MSI1: variants seen among roughly 807,000 people sequenced by gnomAD.
MSI1 encodes musashi RNA binding protein 1.
In MSI1, 15 loss-of-function variants were observed where a neutral mutation model predicts 54.4. That is an observed-to-expected ratio of 0.28 (90% confidence interval 0.18 to 0.42). The LOEUF is 0.42. Ranked by LOEUF, MSI1 falls within the 20% of genes least tolerant of loss-of-function variation. The pLI is 1.00. For missense variants in MSI1, 304 were observed against 506.0 expected, an observed-to-expected ratio of 0.60 and a Z score of 3.83; for synonymous variants, 200 against 196.5, an observed-to-expected ratio of 1.02 and a Z score of -0.15.
chr12:120,368,292 C>T lies in MSI1; in HGVS notation c.101-19G>A, dbSNP rs1876147018. The T allele has an allele frequency of 5.8e-6, 9 of 1,552,162 alleles. No homozygotes were observed. Among genetic ancestry groups the T allele is most frequent in the African/African-American group, 2.7e-5 (2 of 73,076 alleles). On this transcript the variant is annotated intron_variant, in intron 2 of 14. Coordinates refer to ENST00000257552, the MANE Select transcript of MSI1 (RefSeq NM_002442.4). This position sits in a 1 kb window ranked among gnomAD's most constrained non-coding sequence, Gnocchi z 6.6. ...AGCCCTTCTGTAACCACACACCCGC[C>T]TTCGGACCAGCCCGGGCCCCGCGCC...
Position 120,363,106 on chromosome 12 carries a change from C to T in MSI1, c.339G>A (p.Val113=), listed in dbSNP as rs147631271. 3.2e-5 allele frequency: 51 copies of T among 1,614,024 alleles called. No homozygotes were observed. Among genetic ancestry groups the T allele is most frequent in the Non-Finnish European group, 4.2e-5 (49 of 1,180,028 alleles). The change falls in exon 6 of 15, where the codon GTG becomes GTA. Residue 113 remains valine, a synonymous_variant. Coordinates refer to ENST00000257552, the MANE Select transcript of MSI1 (RefSeq NM_002442.4). ...CCGTGGTGTTCACCGACAGCCCCCCCACAAAGATCTTCTTCGTTCGAGTCA... is the reference window on the plus strand; with the variant it reads ...CCGTGGTGTTCACCGACAGCCCCCCTACAAAGATCTTCTTCGTTCGAGTCA... ...KMVTRTKKIF[V]GGLSVNTTVE...
intron 6 of MSI1, among the ~76,000 whole-genome samples, chr12:120,362,662 G>A (rs1875747904): frequency 6.6e-6 from 1 of 152,188 alleles, no homozygotes; most frequent in Non-Finnish European, 1.5e-5. Flanking sequence ...CGCCTGGAAG[G>A]AGTGGGGAAA....
At position 120,368,870 on chromosome 12, in the gene MSI1, C is replaced by A; in HGVS notation, c.63G>T (p.Lys21Asn). Residue 21 changes from lysine (K) to asparagine (N), a missense_variant, in exon 2 of 15, where the codon AAG becomes AAT. Transcript: ENST00000257552. This position sits in a 1 kb window ranked among gnomAD's most constrained non-coding sequence, Gnocchi z 6.6. ...GCCAACTGAGTCCCCCGATGAACATCTTGCTGCGGGAGGAGGAGAGACACA... is the reference window on the plus strand; with the variant it reads ...GCCAACTGAGTCCCCCGATGAACATATTGCTGCGGGAGGAGGAGAGACACA... Reference protein sequence around the residue: ...ASPDSPHDPCKMFIGGLSWQT... With the variant: ...ASPDSPHDPCNMFIGGLSWQT... 1 of 1,470,918 alleles carries A rather than the reference C, an allele frequency of 6.8e-7. No homozygotes were observed. Among genetic ancestry groups the A allele is most frequent in the East Asian group, 3.1e-5 (1 of 32,762 alleles). 91.1% of individuals were successfully genotyped at this position (1,470,918 alleles called of 1,614,324 possible).
chr12:120,368,036 T>A lies in MSI1; in HGVS notation c.239A>T (p.Gln80Leu), dbSNP rs752795681. The change falls in exon 4 of 15, where the codon CAA becomes CTA. Residue 80 changes from glutamine (Q) to leucine (L), a missense_variant. Gln to Leu is a moderately radical substitution (Grantham distance 113, BLOSUM62 -2). Coordinates refer to ENST00000257552, the MANE Select transcript of MSI1 (RefSeq NM_002442.4). The surrounding 1 kb of genome is among the most constrained non-coding windows in gnomAD (Gnocchi z 6.6). ...TTTGGAGTCGAGCTCGTGCCGCGATTGCGCCAGCACTTTATCCACCCCCGC... is the reference window on the plus strand; with the variant it reads ...TTTGGAGTCGAGCTCGTGCCGCGATAGCGCCAGCACTTTATCCACCCCCGC... ...DQAGVDKVLA[Q>L]SRHELDSKTI... 6.2e-7 allele frequency: 1 copy of A among 1,613,364 alleles called. No homozygotes were observed. Among genetic ancestry groups the A allele is most frequent in the Admixed American group, 1.7e-5 (1 of 59,954 alleles).
At chr12:120,367,784 A>G (rs1402431642) in intron 4 of MSI1, among the ~76,000 whole-genome samples, 1 of 151,872 alleles carries the variant, frequency 6.6e-6, no homozygotes, top group Non-Finnish European at 1.5e-5. Context: ...CACCAGGACT[A>G]GGGGAGGGGG....
Position 120,366,021 on chromosome 12 carries a change from A to G in MSI1, c.268-1266T>C, listed in dbSNP as rs1056571743. Reference sequence around the variant, plus strand: ...TGTGAACAACCAGAGGGAAAAATCAAGATGCATCTGGGTGTACTCCTGGGT... The same window carrying G: ...TGTGAACAACCAGAGGGAAAAATCAGGATGCATCTGGGTGTACTCCTGGGT... On this transcript the variant is annotated intron_variant, in intron 4 of 14. Coordinates refer to ENST00000257552, the MANE Select transcript of MSI1 (RefSeq NM_002442.4). Among the ~76,000 whole-genome samples the G allele has an allele frequency of 3.3e-5, 5 of 152,200 alleles. No homozygotes were observed. In the East Asian group the frequency reaches 9.6e-4, roughly 29 times the overall value.
At chr12:120,356,001 C>A (rs1355978253) in intron 9 of MSI1, among the ~76,000 whole-genome samples, 2 of 152,086 alleles carry the variant, frequency 1.3e-5, no homozygotes, top group African/African-American at 4.8e-5. Context: ...CCTGGGGGGC[C>A]AAACTCAGAT....
intron 11 of MSI1, among the ~76,000 whole-genome samples, chr12:120,350,264 G>A (rs1458700108): frequency 4.6e-5 from 7 of 152,036 alleles, no homozygotes; most frequent in African/African-American, 1.7e-4. Context: ...TGGCCTCAAG[G>A]GATACTCCTG....
intron 12 of MSI1, 133 bp from the exon 13 acceptor site, chr12:120,346,455 G>C (rs541240833): frequency 5.0e-5 from 45 of 895,304 alleles, no homozygotes; most frequent in Non-Finnish European, 7.1e-5. Flanking sequence ...ACCTCCTGGA[G>C]ATCTCCCCAT....
At position 120,346,278 on chromosome 12, in the gene MSI1, TG is replaced by T; in HGVS notation, c.903del (p.Ser302AlafsTer51). ...GTCCCCAGGAAGCCCCCTGTGCGGC[TG>T]GGAGTCGAACCTGGAGGGGGAGCCA... The part of the protein sequence containing the change: ...WTMAPPPGST[P>X]SRTGGFLGTT... On this transcript the variant is annotated frameshift_variant, in exon 13 of 15. Transcript: ENST00000257552. LOFTEE classifies it high-confidence loss of function. The T allele has an allele frequency of 6.3e-7, 1 of 1,587,306 alleles. No individual in the cohort carries two copies. The highest frequency in any genetic ancestry group is 8.6e-7 in the Non-Finnish European group (1 of 1,167,948).
At chr12:120,360,129 G>A (rs1021438007) in intron 6 of MSI1, among the ~76,000 whole-genome samples, 3 of 152,226 alleles carry the variant, frequency 2.0e-5, no homozygotes, top group South Asian at 2.1e-4. Flanking sequence ...GGGATTACAG[G>A]TGCATGCCAC....
intron 6 of MSI1, among the ~76,000 whole-genome samples, chr12:120,359,480 CAGG>C (rs1875445355): frequency 6.6e-6 from 1 of 152,170 alleles, no homozygotes; most frequent in African/African-American, 2.4e-5. Context: ...TGTAAAAGGC[CAGG>C]AGGACAGCAA....
rs577235167 is a variant in MSI1, at chr12:120,344,629, G to A, written c.*21+941C>T. ...GAGGCTGAGGTGGAGGATGGCTTGA[G>A]CCTAGGAGTTCCAGGCTGCAGCGAG... On this transcript the variant is annotated intron_variant, in intron 14 of 14. Transcript: ENST00000257552. Among the ~76,000 whole-genome samples, 26 of 152,100 alleles carry A rather than the reference G, an allele frequency of 1.7e-4. No homozygotes were observed. The East Asian group carries it at 2.7e-3, about 16-fold the overall frequency.
intron 10 of MSI1, among the ~76,000 whole-genome samples, chr12:120,351,912 A>G (rs1874642535): frequency 6.7e-6 from 1 of 149,000 alleles, no homozygotes; most frequent in South Asian, 2.1e-4. Flanking sequence ...GTTTCACTGT[A>G]TTAGCCAGGA....
chr12:120,340,052 G>A (rs1031026891), downstream of MSI1, among the ~76,000 whole-genome samples: 1 of 150,788 alleles, frequency 6.6e-6, no homozygotes, highest in Non-Finnish European at 1.5e-5. Context: ...AAAGTGTTTC[G>A]ATTACAGTTG....
chr12:120,359,005 C>T lies in MSI1; in HGVS notation c.451G>A (p.Gly151Arg). Residue 151 changes from glycine to arginine, a missense_variant and splice_region_variant, in exon 7 of 15, where the codon GGG (glycine) becomes AGG (arginine). Coordinates refer to ENST00000257552, the MANE Select transcript of MSI1 (RefSeq NM_002442.4). ...MFDKTTNRHR[G>R]FGFVTFESED... ...GGAAGGGGGAGGGGGCCACACTCAC[C>T]TCGGTGCCGGTTGGTGGTTTTGTCA... 1.3e-6 allele frequency: 2 copies of T among 1,566,546 alleles called. No individual in the cohort carries two copies. The highest frequency in any genetic ancestry group is 1.7e-6 in the Non-Finnish European group (2 of 1,155,552).
At chr12:120,351,181 G>A (rs879908762) in intron 11 of MSI1, among the ~76,000 whole-genome samples, 163 bp downstream of exon 11, 3 of 151,996 alleles carry the variant, frequency 2.0e-5, no homozygotes, top group African/African-American at 4.8e-5. Context: ...CCATGTAGCC[G>A]CCCAGACTGG....
intron 6 of MSI1, among the ~76,000 whole-genome samples, chr12:120,361,114 G>C (rs1263346378): frequency 6.6e-6 from 1 of 152,156 alleles, no homozygotes; most frequent in Non-Finnish European, 1.5e-5. Flanking sequence ...GGAGAGAGCA[G>C]CCAGATACTA....
rs1439874272 is a variant in MSI1, at chr12:120,347,435, G to A, written c.859+11C>T. The A allele has an allele frequency of 6.8e-6, 11 of 1,613,860 alleles. No individual in the cohort carries two copies. Among genetic ancestry groups the A allele is most frequent in the Non-Finnish European group, 9.3e-6 (11 of 1,180,024 alleles). On this transcript the variant is annotated intron_variant, in intron 12 of 14. Transcript: ENST00000257552. ...CCCTCATCTCTCTTCCTGCACCTCA[G>A]AAGAGCTCACCTGTCCCTCGAACCA... is the stretch of plus-strand genomic sequence containing the variant.
Sources: allele counts gnomAD v4.1 joint callset (sites outside exome capture counted in the v4.1 genomes callset), GRCh38; gene constraint gnomAD v4.1.1; non-coding constraint Gnocchi (gnomAD v3.1); transcripts MANE v1.5; gene names NCBI Gene and HGNC (gene_info 2026-07-23, HGNC 2026-07-21).